The following PTK2 variants were observed in gnomAD, a reference collection of about 807,000 sequenced individuals.
The protein encoded by PTK2 is focal adhesion kinase 1.
A neutral mutation model predicts 150.1 loss-of-function variants in PTK2; 45 were observed. The observed-to-expected ratio is 0.30, with a 90% confidence interval of 0.24 to 0.38. The LOEUF (loss-of-function observed/expected upper bound fraction) is 0.38, where lower values mean the gene tolerates loss of function less well. Ranked by LOEUF, PTK2 falls within the 10% of genes least tolerant of loss-of-function variation. The probability of loss-of-function intolerance (pLI) is 1.00; values close to 1 mark genes in which losing one functional copy is unlikely to be tolerated. For synonymous variants in PTK2, 432 were observed against 449.2 expected, an observed-to-expected ratio of 0.96 and a Z score of 0.48; for missense variants, 919 against 1,307.3, an observed-to-expected ratio of 0.70 and a Z score of 4.58.
intron 12 of PTK2, among the ~76,000 whole-genome samples, chr8:140,795,473 C>T (rs755932420): frequency 6.6e-6 from 1 of 152,146 alleles, no homozygotes; most frequent in Non-Finnish European, 1.5e-5. Flanking sequence ...CCTTCAGGTG[C>T]GACTCTCTCA....
intron 15 of PTK2, 58 bp downstream of exon 17, chr8:140,764,176 T>C (rs2100070955): frequency 3.6e-6 from 5 of 1,385,568 alleles, no homozygotes; most frequent in Non-Finnish European, 5.1e-6. Flanking sequence ...CAATAACTTT[T>C]AAATGCAAGG....
At chr8:140,924,669 C>A (rs930866886) in intron 2 of PTK2, among the ~76,000 whole-genome samples, 1 of 152,076 alleles carries the variant, frequency 6.6e-6, no homozygotes, top group Non-Finnish European at 1.5e-5. Flanking sequence ...TTAGTACATA[C>A]TTATTGAATG....
intron 14 of PTK2, among the ~76,000 whole-genome samples, chr8:140,788,649 A>C (rs1208917341): frequency 6.6e-6 from 1 of 152,106 alleles, no homozygotes; most frequent in Non-Finnish European, 1.5e-5. Context: ...GCGCCACTGC[A>C]CTCCAGCCTG....
chr8:140,864,240 G>T, intron 5 of PTK2, 72 bp downstream of exon 5: 1 of 899,306 alleles, frequency 1.1e-6, no homozygotes, highest in South Asian at 2.7e-5. Flanking sequence ...AATCAAATTT[G>T]AAAATAAAAA....
intron 27 of PTK2, among the ~76,000 whole-genome samples, chr8:140,684,327 T>C (rs948553698): frequency 3.9e-5 from 6 of 152,298 alleles, no homozygotes; most frequent in South Asian, 2.1e-4. Flanking sequence ...CAGTTCACAA[T>C]AGGGTTCACA....
At chr8:140,946,802 C>CTA (rs1402591869) in intron 1 of PTK2, among the ~76,000 whole-genome samples, 2 of 152,164 alleles carry the variant, frequency 1.3e-5, no homozygotes, top group African/African-American at 4.8e-5. Flanking sequence ...CTTCCCTACA[C>CTA]TATACAGACT....
intron 1 of PTK2, among the ~76,000 whole-genome samples, chr8:140,989,338 G>A (rs1035911037): frequency 2.6e-5 from 4 of 150,988 alleles, no homozygotes; most frequent in African/African-American, 7.3e-5. Flanking sequence ...AGGCTGCAGC[G>A]AGCTATGACT....
In PTK2 at chr8:140,995,395, A is replaced by G. The variant is rs185595350; in HGVS notation, c.-122+5730T>C. 6.1e-4 allele frequency among the ~76,000 whole-genome samples: 93 copies of G among 151,478 alleles called. 1 individual carries two copies. The South Asian group carries it at 0.012, about 20-fold the overall frequency. On this transcript the variant is annotated intron_variant, in intron 1 of 31. Coordinates refer to ENST00000522684, the Ensembl canonical transcript of PTK2. ...AGACTCCGTCTCAAAAAAAAAAAAA[A>G]AAAAGAAAAGAAACTCTATAATGGC...
At chr8:140,941,184 C>T (rs1003000440) in intron 1 of PTK2, among the ~76,000 whole-genome samples, 3 of 152,090 alleles carry the variant, frequency 2.0e-5, no homozygotes, top group Non-Finnish European at 4.4e-5. Flanking sequence ...CCTTCAAAAC[C>T]AGGGTTAAGT....
At chr8:140,849,237 C>T (rs2100127606) in intron 5 of PTK2, among the ~76,000 whole-genome samples, 2 of 152,136 alleles carry the variant, frequency 1.3e-5, no homozygotes, top group East Asian at 1.9e-4. Flanking sequence ...ACCACAGACC[C>T]GTGTCCTCCC....
At chr8:140,680,823 C>T (rs762235066) in intron 27 of PTK2, among the ~76,000 whole-genome samples, 2 of 152,100 alleles carry the variant, frequency 1.3e-5, no homozygotes, top group Non-Finnish European at 2.9e-5. Flanking sequence ...AGCCACTGTG[C>T]CCGACTGGGT....
At chr8:140,845,674 G>C (rs1387145087) in intron 7 of PTK2, among the ~76,000 whole-genome samples, 1 of 152,008 alleles carries the variant, frequency 6.6e-6, no homozygotes, top group Non-Finnish European at 1.5e-5. Flanking sequence ...TTTTATTTCC[G>C]AATCTCTGGC....
chr8:140,735,546 G>T, intron 21 of PTK2, 91 bp from the exon 25 acceptor site: 1 of 1,315,906 alleles, frequency 7.6e-7, no homozygotes, highest in South Asian at 1.2e-5. Context: ...AGGCACTCGA[G>T]TACCAGCTGG....
Position 141,000,119 on chromosome 8 carries a change from ACACACACC to A in PTK2, c.-122+998_-122+1005del, listed in dbSNP as rs1478183478. On this transcript the variant is annotated intron_variant, in intron 1 of 31. Transcript: ENST00000522684. ...CACACACACACACACACACACACAC[ACACACACC>A]CCTTCTTCTAAGAAAGAACAGGATG... Among the ~76,000 whole-genome samples the A allele has an allele frequency of 2.0e-3, 297 of 150,346 alleles. 6 individuals are homozygous for A. The highest frequency in any genetic ancestry group is 6.9e-3 in the African/African-American group (276 of 40,218).
intron 1 of PTK2, among the ~76,000 whole-genome samples, chr8:141,000,121 AC>A (rs2100199470): frequency 6.7e-6 from 1 of 149,598 alleles, no homozygotes; most frequent in Admixed American, 6.6e-5. Context: ...ACACACACAC[AC>A]ACACCCCTTC....
chr8:140,664,891 G>C (rs1477958908), intron 31 of PTK2, 26 bp downstream of exon 35: 1 of 1,605,490 alleles, frequency 6.2e-7, no homozygotes, highest in Non-Finnish European at 8.5e-7. Context: ...GTCACAGAGG[G>C]CTGCAAGGGG....
intron 10 of PTK2, among the ~76,000 whole-genome samples, chr8:140,805,632 C>A (rs1477773250): frequency 6.6e-6 from 1 of 151,616 alleles, no homozygotes. Context: ...CTCACTGATT[C>A]TTCTCCCTTT....
At chr8:140,857,859 A>G (rs1432547103) in intron 5 of PTK2, among the ~76,000 whole-genome samples, 2 of 152,226 alleles carry the variant, frequency 1.3e-5, no homozygotes, top group African/African-American at 4.8e-5. Flanking sequence ...TAGGCCCTCA[A>G]GATTTCCACA....
chr8:140,830,469 T>C lies in PTK2; in HGVS notation c.648+3A>G. On this transcript the variant is annotated splice_donor_region_variant and intron_variant, in intron 8 of 31. Coordinates refer to ENST00000522684, the Ensembl canonical transcript of PTK2. ...TTATTATGATAAAGGAGACTCTAAT[T>C]ACCTTGACAGAATCCAGTAAACTCT... is the stretch of plus-strand genomic sequence containing the variant. 6.6e-7 allele frequency: 1 copy of C among 1,524,520 alleles called. No individual in the cohort carries two copies. The highest frequency in any genetic ancestry group is 2.3e-5 in the East Asian group (1 of 43,054). The allele number at this position is 1,524,520 out of a possible 1,614,324, so 94.4% of individuals were successfully genotyped here.
Sources: allele counts gnomAD v4.1 joint callset (sites outside exome capture counted in the v4.1 genomes callset), GRCh38; gene constraint gnomAD v4.1.1; transcripts MANE v1.5; gene names NCBI Gene and HGNC (gene_info 2026-07-23, HGNC 2026-07-21).